ATP2B3: variants seen among roughly 807,000 people sequenced by gnomAD.
ATP2B3 encodes the protein ATPase plasma membrane Ca2+ transporting 3, also known as plasma membrane calcium-transporting ATPase 3.
ATP2B3 carries 12 observed loss-of-function variants against 70.8 expected under a neutral mutation model. The observed-to-expected ratio is 0.17, with a 90% confidence interval of 0.11 to 0.27. The LOEUF is 0.27. Among genes scored for constraint, ATP2B3 ranks in the 10% least tolerant of loss-of-function variants. ATP2B3 has a pLI of 1.00. For missense variants in ATP2B3, 858 were observed against 1,118.5 expected (o/e 0.77, Z 3.32); for synonymous variants, 460 against 497.8 (o/e 0.92, Z 1.01).
At chrX:153,562,280 G>T (rs1557016666) in intron 20 of ATP2B3, 38 bp downstream of exon 20, 1 of 1,146,315 alleles carries the variant, frequency 8.7e-7, no homozygotes, top group South Asian at 1.9e-5. Flanking sequence ...AGACTGCCCT[G>T]CAGACAGCTT....
In ATP2B3 at chrX:153,541,707, G is replaced by A. The variant is rs781988092; in HGVS notation, c.445G>A (p.Glu149Lys). 1.7e-6 allele frequency: 2 copies of A among 1,211,610 alleles called. No homozygotes were observed. The highest frequency in any genetic ancestry group is 1.8e-5 in the South Asian group (1 of 56,977). The change falls in exon 5 of 22, where the codon GAG becomes AAG. Residue 149 changes from glutamate (E) to lysine (K), a missense_variant. Physicochemically the swap from Glu to Lys is moderately conservative, Grantham distance 56. Around this residue, in one of 5 missense-constraint regions of ATP2B3, gnomAD observed 278 missense variants for 366.2 expected, o/e 0.76. Transcript: ENST00000263519. ...NVSGGAEDEG[E>K]AEAGWIEGAA... is the part of the protein sequence containing the mutation. Reference sequence around the variant, plus strand: ...GTCGGGAGGCGCAGAAGATGAGGGCGAGGCCGAAGCTGGCTGGATCGAGGG... The same window carrying A: ...GTCGGGAGGCGCAGAAGATGAGGGCAAGGCCGAAGCTGGCTGGATCGAGGG...
chrX:153,581,464 T>G lies in ATP2B3; in HGVS notation c.*1166T>G, dbSNP rs2090921743. 8.9e-6 allele frequency: 1 copy of G among 112,439 alleles called. No individual in the cohort carries two copies. Among genetic ancestry groups the G allele is most frequent in the South Asian group, 3.6e-4 (1 of 2,746 alleles). 9.3% of individuals were successfully genotyped at this position (112,439 alleles called of 1,213,427 possible). A position where few individuals can be genotyped will look rare whatever the true frequency, so the allele number is the denominator to read the frequency against. On this transcript the variant is annotated 3_prime_UTR_variant, in exon 22 of 22. Transcript: ENST00000263519. ...CACCTTCAAGAGCATGAAGCACTCT[T>G]GGAGTTGTGGGTCCTGCCCAGAGTC...
At chrX:153,541,295 G>A (rs2090275495) in intron 3 of ATP2B3, 64 bp from the exon 4 acceptor site, 6 of 1,181,576 alleles carry the variant, frequency 5.1e-6, no homozygotes, top group Middle Eastern at 4.7e-4. Flanking sequence ...AGGAGGCCTG[G>A]GACACACAAG....
chrX:153,550,009 G>A, intron 11 of ATP2B3, 36 bp from the exon 12 acceptor site: 1 of 1,197,012 alleles, frequency 8.4e-7, no homozygotes, highest in South Asian at 1.8e-5. Flanking sequence ...GGTGGTCTCA[G>A]GCCCCCAGTG....
chrX:153,525,963 T>C (rs2980072), intron 2 of ATP2B3, among the ~76,000 whole-genome samples: 20,945 of 112,498 alleles, frequency 0.19, 2,155 homozygotes, highest in African/African-American at 0.4. Context: ...CTCGTGGCTG[T>C]GTCTGTAGGT....
Position 153,547,827 on chromosome X carries a change from G to A in ATP2B3, c.959-8G>A. ...CTGACCTTGGCCATGGGGTTCCTCT[G>A]TGTGCAGCTAAGAAGCAGGATGGTG... is the stretch of plus-strand genomic sequence containing the variant. On this transcript the variant is annotated splice_region_variant and splice_polypyrimidine_tract_variant and intron_variant, in intron 8 of 21. Coordinates refer to ENST00000263519, the MANE Select transcript of ATP2B3 (RefSeq NM_001001344.3). 1 of 1,184,272 alleles carries A rather than the reference G, an allele frequency of 8.4e-7. No individual in the cohort carries two copies. The highest frequency in any genetic ancestry group is 1.1e-6 in the Non-Finnish European group (1 of 879,338).
At chrX:153,529,615 G>A (rs1036003533) in intron 2 of ATP2B3, among the ~76,000 whole-genome samples, 25 of 111,876 alleles carry the variant, frequency 2.2e-4, no homozygotes, top group African/African-American at 8.1e-4. Context: ...TGCGGCCCAG[G>A]GGCAGAAGCA....
intron 20 of ATP2B3, among the ~76,000 whole-genome samples, chrX:153,562,485 C>T (rs782556729): frequency 2.8e-4 from 32 of 112,407 alleles, no homozygotes; most frequent in Non-Finnish European, 5.1e-4. Context: ...GCTCCCCTTT[C>T]TATGATAAGA....
chrX:153,571,172 C>G (rs1557019851), intron 21 of ATP2B3, among the ~76,000 whole-genome samples: 1 of 112,281 alleles, frequency 8.9e-6, no homozygotes, highest in African/African-American at 3.2e-5. Context: ...CTCCAGTGCC[C>G]TAGACGTGGG....
chrX:153,579,020 G>A (rs782551592), intron 21 of ATP2B3, among the ~76,000 whole-genome samples: 171 of 112,976 alleles, frequency 1.5e-3, no homozygotes, highest in African/African-American at 5.3e-3. Context: ...TCTCTGGCCT[G>A]GAGCTCTGAG....
intron 20 of ATP2B3, 134 bp downstream of exon 20, chrX:153,562,376 C>A: frequency 3.8e-6 from 2 of 520,265 alleles, no homozygotes; most frequent in Non-Finnish European, 6.2e-6. Context: ...AGGCCTGTGA[C>A]ACACCAGGAC....
At chrX:153,527,454 A>G (rs1360184942) in intron 2 of ATP2B3, among the ~76,000 whole-genome samples, 1 of 112,996 alleles carries the variant, frequency 8.8e-6, no homozygotes, top group African/African-American at 3.2e-5. Context: ...TCACGCTGCT[A>G]TGCAGCTCGC....
At chrX:153,565,850 C>T (rs2090699100) in intron 21 of ATP2B3, among the ~76,000 whole-genome samples, 1 of 112,723 alleles carries the variant, frequency 8.9e-6, no homozygotes, top group Non-Finnish European at 1.9e-5. Flanking sequence ...CCAGAAACGG[C>T]GCTCGCCTAG....
Position 153,553,196 on chromosome X carries a change from A to G in ATP2B3, c.1985A>G (p.Asp662Gly). ...TCTGCAGGCCAGGAGCCCGACTGGG[A>G]CAACGAGAATGAGGTCGTGGGTGAC... ...DFSAGQEPDWDNENEVVGDLT... is the reference protein window; with the variant it reads ...DFSAGQEPDWGNENEVVGDLT... The change falls in exon 13 of 22, where the codon GAC becomes GGC. Residue 662 changes from aspartate (D) to glycine (G), a missense_variant. Around this residue, in one of 5 missense-constraint regions of ATP2B3, gnomAD observed 242 missense variants for 281.3 expected, o/e 0.86. Coordinates refer to ENST00000263519, the MANE Select transcript of ATP2B3 (RefSeq NM_001001344.3). 1 of 1,211,763 alleles carries G rather than the reference A, an allele frequency of 8.3e-7. No homozygotes were observed. Among genetic ancestry groups the G allele is most frequent in the South Asian group, 1.8e-5 (1 of 56,991 alleles).
rs191385699 is a variant in ATP2B3, at chrX:153,532,513, C to T, written c.-126-3609C>T. Among the ~76,000 whole-genome samples the T allele has an allele frequency of 6.3e-5, 7 of 111,832 alleles. No homozygotes were observed. In the East Asian group the frequency reaches 1.1e-3, roughly 18 times the overall value. On this transcript the variant is annotated intron_variant, in intron 2 of 21. Coordinates refer to ENST00000263519, the MANE Select transcript of ATP2B3 (RefSeq NM_001001344.3). Reference sequence around the variant, plus strand: ...CTGCTGAAGAGAAGAGTCCAGAAGGCGGTTGAGTAATGGGCCTGGACTTGG... The same window carrying T: ...CTGCTGAAGAGAAGAGTCCAGAAGGTGGTTGAGTAATGGGCCTGGACTTGG...
Position 153,541,457 on chromosome X carries a change from T to C in ATP2B3, c.307T>C (p.Trp103Arg), listed in dbSNP as rs782307996. 2 of 1,210,140 alleles carry C rather than the reference T, an allele frequency of 1.7e-6. No homozygotes were observed. The highest frequency in any genetic ancestry group is 3.5e-5 in the African/African-American group (2 of 57,240). ...ACCCAAGACCTTCCTGCAGCTGGTG[T>C]GGGAGGCCCTGCAGGACGTGACCCT... Reference protein sequence around the residue: ...KQPKTFLQLVWEALQDVTLII... With the variant: ...KQPKTFLQLVREALQDVTLII... The change falls in exon 4 of 22, where the codon TGG (tryptophan) becomes CGG (arginine). Residue 103 changes from tryptophan to arginine, a missense_variant. By Grantham distance (101) the Trp-to-Arg change is moderately radical. Transcript: ENST00000263519.
chrX:153,547,807 C>G (rs782527510), intron 8 of ATP2B3, 28 bp from the exon 9 acceptor site: 27 of 1,156,273 alleles, frequency 2.3e-5, no homozygotes, highest in Admixed American at 1.9e-4. Context: ...AGGCACTGAC[C>G]TTGGCCATGG....
intron 2 of ATP2B3, among the ~76,000 whole-genome samples, chrX:153,532,414 G>T (rs151259418): frequency 3.6e-5 from 4 of 112,571 alleles, no homozygotes; most frequent in Non-Finnish European, 7.5e-5. Flanking sequence ...CTGGGTCTCT[G>T]GTCAGGTGGG....
chrX:153,551,499 C>G (rs986374225), intron 12 of ATP2B3, among the ~76,000 whole-genome samples: 3 of 111,979 alleles, frequency 2.7e-5, no homozygotes, highest in Non-Finnish European at 3.8e-5. Flanking sequence ...TCTACACATT[C>G]TGTCCCATTC....
Sources: gnomAD v4.1 joint callset for allele counts (sites outside exome capture counted in the v4.1 genomes callset) on GRCh38, gnomAD v4.1.1 for gene constraint, gnomAD v4.1.1 regional missense constraint, MANE v1.5 for transcripts, NCBI Gene and HGNC (gene_info 2026-07-23, HGNC 2026-07-21) for gene names.